EML5: variants seen among roughly 807,000 people sequenced by gnomAD.
EML5 encodes the protein echinoderm microtubule-associated protein-like 5.
A neutral mutation model predicts 250.0 loss-of-function variants in EML5; 120 were observed. The observed-to-expected ratio is 0.48, with a 90% CI of 0.41 to 0.56. The LOEUF is 0.56. Among genes scored for constraint, EML5 ranks in the 20% least tolerant of loss-of-function variants. The pLI is 0.00. For missense variants in EML5, 2,006 were observed against 2,437.6 expected, an observed-to-expected ratio of 0.82 and a Z score of 3.73; for synonymous variants, 771 against 806.5, an observed-to-expected ratio of 0.96 and a Z score of 0.75.
intron 26 of EML5, 101 bp from the exon 27 acceptor site, chr14:88,657,603 AGTT>A (rs1417680848): frequency 1.7e-6 from 2 of 1,149,244 alleles, no homozygotes; most frequent in Non-Finnish European, 2.3e-6. Context: ...AAATAAATTA[AGTT>A]GTTATAAGCA....
At chr14:88,646,159 C>A (rs143763740) in intron 29 of EML5, among the ~76,000 whole-genome samples, 1 of 152,074 alleles carries the variant, frequency 6.6e-6, no homozygotes, top group East Asian at 1.9e-4. Context: ...CATTTATGAA[C>A]AAGTCTCATA....
chr14:88,613,195 C>G lies in EML5; in HGVS notation c.*2623G>C, dbSNP rs773892136. The G allele has an allele frequency of 2.6e-5, 4 of 152,228 alleles. No homozygotes were observed. The highest frequency in any genetic ancestry group is 1.9e-4 in the East Asian group (1 of 5,160). 9.4% of individuals were successfully genotyped at this position (152,228 alleles called of 1,614,324 possible). Reference sequence around the variant, plus strand: ...GATCCCACAGGAAAGGCTTGAAACACGAGAAGCAGCAAAGACAGAGCACAC... The same window carrying G: ...GATCCCACAGGAAAGGCTTGAAACAGGAGAAGCAGCAAAGACAGAGCACAC... On this transcript the variant is annotated 3_prime_UTR_variant, in exon 44 of 44. Transcript: ENST00000554922.
chr14:88,692,605 C>A (rs2092986542), intron 17 of EML5, among the ~76,000 whole-genome samples: 1 of 152,068 alleles, frequency 6.6e-6, no homozygotes, highest in African/African-American at 2.4e-5. Context: ...ATTTGGGTAT[C>A]CTTGGGGAAT....
intron 1 of EML5, among the ~76,000 whole-genome samples, chr14:88,761,949 G>C (rs1340267784): frequency 6.6e-6 from 1 of 152,168 alleles, no homozygotes; most frequent in African/African-American, 2.4e-5. Context: ...GACCAGAGAT[G>C]AGCTTTTTTT....
At chr14:88,730,714 G>A (rs2093742239) in intron 7 of EML5, among the ~76,000 whole-genome samples, 2 of 152,134 alleles carry the variant, frequency 1.3e-5, no homozygotes. Context: ...TAGTCTGCAT[G>A]AAACAACTAG....
chr14:88,702,961 C>A (rs1421268909), intron 13 of EML5, among the ~76,000 whole-genome samples: 3 of 151,868 alleles, frequency 2.0e-5, no homozygotes, highest in African/African-American at 7.3e-5. Flanking sequence ...TGCCATGTTG[C>A]CCAGGCTGGT....
intron 33 of EML5, chr14:88,628,044 T>C (rs2090146624): frequency 7.0e-5 from 39 of 559,926 alleles, no homozygotes; most frequent in South Asian, 6.7e-4. Context: ...CTTCAGGCCA[T>C]ATTCCAAATT....
Position 88,762,891 on chromosome 14 carries a change from A to T in EML5, c.198-8220T>A, listed in dbSNP as rs1005905275. Among the ~76,000 whole-genome samples the T allele has an allele frequency of 2.0e-5, 3 of 152,218 alleles. No homozygotes were observed. In the South Asian group the frequency reaches 6.2e-4, roughly 32 times the overall value. On this transcript the variant is annotated intron_variant, in intron 1 of 43. Transcript: ENST00000554922. ...AACCATACAACTACACGGAAACTGA[A>T]CAACCTGCTCCTGAGTGACTACTGG... is the stretch of plus-strand genomic sequence containing the variant.
chr14:88,686,605 A>G (rs1373764795), intron 19 of EML5, among the ~76,000 whole-genome samples: 1 of 151,910 alleles, frequency 6.6e-6, no homozygotes, highest in African/African-American at 2.4e-5. Flanking sequence ...GGATCATTTG[A>G]GTTTGAGACC....
chr14:88,768,102 G>C (rs59643856), intron 1 of EML5, among the ~76,000 whole-genome samples: 115 of 152,262 alleles, frequency 7.6e-4, no homozygotes, highest in African/African-American at 2.6e-3. Context: ...GGTTTCTCAT[G>C]ATTAAAGTGG....
At chr14:88,725,375 G>GAGGCTA (rs1382689425) in intron 8 of EML5, among the ~76,000 whole-genome samples, 1 of 152,204 alleles carries the variant, frequency 6.6e-6, no homozygotes, top group Non-Finnish European at 1.5e-5. Context: ...AGGGGAGTCA[G>GAGGCTA]CACGTGTAGA....
intron 1 of EML5, among the ~76,000 whole-genome samples, chr14:88,781,932 A>C (rs1187354047): frequency 6.6e-6 from 1 of 152,200 alleles, no homozygotes; most frequent in Non-Finnish European, 1.5e-5. Context: ...AAAGATACCC[A>C]AAAATGTGGA....
Position 88,736,415 on chromosome 14 carries a change from A to G in EML5, c.998T>C (p.Val333Ala), listed in dbSNP as rs766422147. Residue 333 changes from valine to alanine, a missense_variant, in exon 7 of 44, where the codon GTC becomes GCC. This residue lies in a region of EML5 where 1,375 missense variants were observed against 1,590.3 expected (regional missense o/e 0.86). Coordinates refer to ENST00000554922, the MANE Select transcript of EML5 (RefSeq NM_183387.3). ...HCEGELWALA[V>A]HPTKPLAVTG... ...CACAGCCAAAGGTTTAGTAGGATGGACAGCAAGTGCCCAAAGTTCACCTTC... is the reference window on the plus strand; with the variant it reads ...CACAGCCAAAGGTTTAGTAGGATGGGCAGCAAGTGCCCAAAGTTCACCTTC... 2.5e-6 allele frequency: 4 copies of G among 1,614,010 alleles called. No individual in the cohort carries two copies. The Admixed American group carries it at 6.7e-5, about 27-fold the overall frequency.
In EML5 at chr14:88,688,569, A is replaced by C; in HGVS notation, c.2540-96T>G. On this transcript the variant is annotated intron_variant, in intron 17 of 43. Transcript: ENST00000554922. ...TTTCTACTGTTGTTGTTGTTGTTTG[A>C]ATAGTAAGGCATGCAACAGTAAGGA... 4.8e-6 allele frequency: 6 copies of C among 1,250,074 alleles called. No individual in the cohort carries two copies. In the South Asian group the frequency reaches 8.0e-5, roughly 17 times the overall value. The allele number at this position is 1,250,074 out of a possible 1,614,324, so 77.4% of individuals were successfully genotyped here.
intron 31 of EML5, among the ~76,000 whole-genome samples, chr14:88,641,363 A>G (rs974219505): frequency 6.6e-6 from 1 of 152,074 alleles, no homozygotes; most frequent in African/African-American, 2.4e-5. Flanking sequence ...CCCACACAAA[A>G]CATCATTCCC....
intron 21 of EML5, among the ~76,000 whole-genome samples, chr14:88,666,856 C>G (rs920800085): frequency 2.0e-5 from 3 of 151,852 alleles, no homozygotes; most frequent in Non-Finnish European, 2.9e-5. Context: ...AAGTTGAGAA[C>G]AAGTAGTCAT....
intron 15 of EML5, among the ~76,000 whole-genome samples, chr14:88,696,592 G>T (rs1324910477): frequency 6.6e-6 from 1 of 152,070 alleles, no homozygotes; most frequent in Admixed American, 6.6e-5. Context: ...TTGTTACGTA[G>T]ATAAACATTT....
intron 1 of EML5, 31 bp from the exon 2 acceptor site, chr14:88,754,702 T>C: frequency 6.5e-7 from 1 of 1,546,298 alleles, no homozygotes; most frequent in East Asian, 2.4e-5. Flanking sequence ...TAAGTAGTAT[T>C]ATTAAAAATT....
chr14:88,714,692 T>A (rs2093463902), intron 9 of EML5, among the ~76,000 whole-genome samples: 2 of 152,150 alleles, frequency 1.3e-5, no homozygotes, highest in Non-Finnish European at 2.9e-5. Flanking sequence ...CAATTATACC[T>A]CAATAGAGTT....
Sources: gnomAD v4.1 joint callset for allele counts (sites outside exome capture counted in the v4.1 genomes callset) on GRCh38, gnomAD v4.1.1 for gene constraint, gnomAD v4.1.1 regional missense constraint, MANE v1.5 for transcripts, NCBI Gene and HGNC (gene_info 2026-07-23, HGNC 2026-07-21) for gene names.